The following ARNT2 variants were observed in gnomAD, a reference collection of about 807,000 sequenced individuals.
ARNT2 encodes the protein ARNT protein 2.
Under a neutral mutation model 91.7 loss-of-function variants are expected in ARNT2, and 36 were observed. That is an observed-to-expected ratio of 0.39 (90% confidence interval 0.30 to 0.52). ARNT2 has a LOEUF of 0.52. ARNT2 is among the 20% of genes least tolerant of loss of function. The pLI, the probability that ARNT2 is intolerant of heterozygous loss-of-function variation, is 0.72. For missense variants in ARNT2, 775 were observed against 939.3 expected (o/e 0.83, Z 2.29); for synonymous variants, 365 against 347.1 (o/e 1.05, Z -0.57).
rs568838329 is a variant in ARNT2, at chr15:80,597,257, A to G, written c.*3559A>G. On this transcript the variant is annotated 3_prime_UTR_variant, in exon 19 of 19. Coordinates refer to ENST00000303329, the MANE Select transcript of ARNT2 (RefSeq NM_014862.4). ...TAGGCAGCCCATAAGCTATGCGAGA[A>G]TGTGAACGCTCACCTTGCTCCGTCA... The G allele has an allele frequency of 4.8e-5, 25 of 518,556 alleles. No homozygotes were observed. Among genetic ancestry groups the G allele is most frequent in the Admixed American group, 2.9e-4 (15 of 51,518 alleles). 32.1% of individuals were successfully genotyped at this position (518,556 alleles called of 1,614,324 possible). A position where few individuals can be genotyped will look rare whatever the true frequency, so the allele number is the denominator to read the frequency against.
chr15:80,406,695 G>A (rs982995076), intron 1 of ARNT2, among the ~76,000 whole-genome samples: 1 of 152,182 alleles, frequency 6.6e-6, no homozygotes, highest in African/African-American at 2.4e-5. Flanking sequence ...TACAAGCATA[G>A]GGTATTGTTG....
rs1051934239 is a variant in ARNT2, at chr15:80,507,491, G to A, written c.623-665G>A. ...AAGAGTGGGTGAAGCTGCTTTTGCG[G>A]TGCATGGTCAGCTGCTGATGGTGTG... is the stretch of plus-strand genomic sequence containing the variant. On this transcript the variant is annotated intron_variant, in intron 5 of 18. Coordinates refer to ENST00000303329, the MANE Select transcript of ARNT2 (RefSeq NM_014862.4). 3.3e-5 allele frequency among the ~76,000 whole-genome samples: 5 copies of A among 152,234 alleles called. No homozygotes were observed. In the East Asian group the frequency reaches 9.7e-4, roughly 29 times the overall value.
chr15:80,567,649 G>A (rs1898510501), intron 12 of ARNT2, among the ~76,000 whole-genome samples: 1 of 152,232 alleles, frequency 6.6e-6, no homozygotes, highest in East Asian at 1.9e-4. Context: ...AAGTCAGGCA[G>A]CACTGAGAAA....
chr15:80,582,988 T>A (rs1417921200), intron 17 of ARNT2, among the ~76,000 whole-genome samples: 1 of 152,160 alleles, frequency 6.6e-6, no homozygotes, highest in Admixed American at 6.5e-5. Flanking sequence ...TACCTAGTCC[T>A]TCCCGGAAGC....
intron 5 of ARNT2, among the ~76,000 whole-genome samples, chr15:80,505,562 T>C (rs1014124026): frequency 1.3e-5 from 2 of 152,256 alleles, no homozygotes; most frequent in Non-Finnish European, 2.9e-5. Flanking sequence ...ACAAAAACTA[T>C]CTAAAGGAAG....
At chr15:80,484,252 A>G (rs61144989) in intron 5 of ARNT2, among the ~76,000 whole-genome samples, 10,547 of 151,976 alleles carry the variant, frequency 0.069, 887 homozygotes, top group African/African-American at 0.19. Flanking sequence ...TCTGTTGTTC[A>G]AAATAGAAAT....
chr15:80,470,007 G>A (rs1896710691), intron 3 of ARNT2, among the ~76,000 whole-genome samples: 1 of 152,156 alleles, frequency 6.6e-6, no homozygotes, highest in Non-Finnish European at 1.5e-5. Context: ...TGAGACTATA[G>A]ACATCTGTGC....
chr15:80,419,615 G>T (rs1895833669), intron 1 of ARNT2, among the ~76,000 whole-genome samples: 1 of 152,188 alleles, frequency 6.6e-6, no homozygotes, highest in Non-Finnish European at 1.5e-5. Context: ...GGAATCAGTG[G>T]CCCAGTCCTG....
intron 12 of ARNT2, among the ~76,000 whole-genome samples, chr15:80,565,891 G>C (rs1259621796): frequency 6.6e-6 from 1 of 151,942 alleles, no homozygotes; most frequent in Non-Finnish European, 1.5e-5. Flanking sequence ...CTGTGCAGAA[G>C]CTCTTTAATT....
intron 12 of ARNT2, among the ~76,000 whole-genome samples, chr15:80,567,925 G>C: frequency 6.6e-6 from 1 of 152,200 alleles, no homozygotes; most frequent in Admixed American, 6.5e-5. Flanking sequence ...GCCAGCAGTA[G>C]GCAGACTTGT....
chr15:80,568,291 C>T (rs1336280754), intron 12 of ARNT2, among the ~76,000 whole-genome samples: 1 of 152,200 alleles, frequency 6.6e-6, no homozygotes, highest in Admixed American at 6.5e-5. Context: ...TGGGCACGAC[C>T]TAGCTGCTGT....
intron 8 of ARNT2, among the ~76,000 whole-genome samples, chr15:80,542,788 C>T (rs936966755): frequency 3.3e-5 from 5 of 152,156 alleles, no homozygotes; most frequent in South Asian, 2.1e-4. Flanking sequence ...AGAAGAACAT[C>T]ATTTTCTTTA....
At chr15:80,475,372 GT>G in intron 5 of ARNT2, 149 bp downstream of exon 5, 1 of 771,762 alleles carries the variant, frequency 1.3e-6, no homozygotes, top group Non-Finnish European at 2.0e-6. Flanking sequence ...GGCTAACATG[GT>G]GAAACCCCGT....
At chr15:80,565,291 A>T (rs904344298) in intron 12 of ARNT2, among the ~76,000 whole-genome samples, 8 of 152,158 alleles carry the variant, frequency 5.3e-5, no homozygotes, top group Non-Finnish European at 1.0e-4. Flanking sequence ...TCCTATTAGG[A>T]ATAGTGTTGC....
intron 3 of ARNT2, among the ~76,000 whole-genome samples, chr15:80,462,769 G>A (rs1896580505): frequency 6.6e-6 from 1 of 152,196 alleles, no homozygotes; most frequent in African/African-American, 2.4e-5. Context: ...GTCCAACATT[G>A]TGCCTTATAT....
chr15:80,502,946 A>G (rs1158176748), intron 5 of ARNT2, among the ~76,000 whole-genome samples: 2 of 152,202 alleles, frequency 1.3e-5, no homozygotes, highest in African/African-American at 4.8e-5. Context: ...ACAGGATTAC[A>G]AAAGAACCAG....
intron 18 of ARNT2, 108 bp from the exon 19 acceptor site, chr15:80,593,492 C>T: frequency 1.1e-6 from 1 of 884,132 alleles, no homozygotes; most frequent in Admixed American, 2.3e-5. Flanking sequence ...TGGGCTGCCC[C>T]TTTAGGGATG....
rs1490325878 is a variant in ARNT2 at position 80,515,893 on chromosome 15, C to T, written c.877+1488C>T. Among the ~76,000 whole-genome samples, 14 of 131,746 alleles carry T rather than the reference C, an allele frequency of 1.1e-4. No homozygotes were observed. The South Asian group carries it at 1.2e-3, about 11-fold the overall frequency. 86.4% of individuals were successfully genotyped at this position (131,746 alleles called of 152,430 possible). On this transcript the variant is annotated intron_variant, in intron 8 of 18. Transcript: ENST00000303329. ...TTCTTTTTTTTTTTTTTTTTTGAGA[C>T]GGAGTTTCACTCATTACCCAGGCTG...
At chr15:80,406,381 C>T (rs1180735021) in intron 1 of ARNT2, among the ~76,000 whole-genome samples, 1 of 152,146 alleles carries the variant, frequency 6.6e-6, no homozygotes, top group East Asian at 1.9e-4. Flanking sequence ...GCAATTTCAA[C>T]CCATTCAACT....
Sources: allele counts gnomAD v4.1 joint callset (sites outside exome capture counted in the v4.1 genomes callset), GRCh38; gene constraint gnomAD v4.1.1; transcripts MANE v1.5; gene names NCBI Gene and HGNC (gene_info 2026-07-23, HGNC 2026-07-21).